The following NPAT variants were observed in gnomAD, a reference collection of about 807,000 sequenced individuals.
The protein encoded by NPAT is protein NPAT.
In NPAT, 52 loss-of-function variants were observed where a neutral mutation model predicts 130.7. The ratio of observed to expected loss-of-function variants is 0.40; its 90% CI spans 0.32 to 0.50. The LOEUF (loss-of-function observed/expected upper bound fraction) is 0.50, where lower values mean the gene tolerates loss of function less well. NPAT is among the 20% of genes least tolerant of loss of function. The pLI, the probability that NPAT is intolerant of heterozygous loss-of-function variation, is 0.68. For missense variants in NPAT, 1,687 were observed against 1,662.6 expected, an observed-to-expected ratio of 1.01 and a Z score of -0.26; for synonymous variants, 580 against 584.8, an observed-to-expected ratio of 0.99 and a Z score of 0.12.
At chr11:108,213,056 C>T (rs2078399662) in intron 1 of NPAT, among the ~76,000 whole-genome samples, 1 of 151,864 alleles carries the variant, frequency 6.6e-6, no homozygotes, top group Admixed American at 6.6e-5. Context: ...AGCAAATCAC[C>T]TGAGGTCGGG....
At chr11:108,219,088 T>C (rs2078460077) in intron 1 of NPAT, among the ~76,000 whole-genome samples, 1 of 152,210 alleles carries the variant, frequency 6.6e-6, no homozygotes, top group South Asian at 2.1e-4. Context: ...CTCTCTACTG[T>C]ATGACATAAA....
At chr11:108,197,243 A>T in intron 2 of NPAT, 59 bp downstream of exon 2, 1 of 1,172,392 alleles carries the variant, frequency 8.5e-7, no homozygotes, top group Non-Finnish European at 1.3e-6. Context: ...TGATTTTATG[A>T]CTATGTTTTT....
At chr11:108,184,647 C>T (rs529563578) in intron 10 of NPAT, among the ~76,000 whole-genome samples, 4 of 152,274 alleles carry the variant, frequency 2.6e-5, no homozygotes, top group African/African-American at 9.6e-5. Flanking sequence ...TCTCCTGCTT[C>T]AGCCACCCGA....
chr11:108,212,074 T>TA (rs199812156), intron 1 of NPAT, among the ~76,000 whole-genome samples: 443 of 142,772 alleles, frequency 3.1e-3, no homozygotes, highest in African/African-American at 5.8e-3. Flanking sequence ...AGTTATCTAT[T>TA]AAAAAAAAAA....
At chr11:108,197,963 G>A (rs1229232364) in intron 1 of NPAT, among the ~76,000 whole-genome samples, 1 of 152,166 alleles carries the variant, frequency 6.6e-6, no homozygotes, top group Non-Finnish European at 1.5e-5. Context: ...ATTCCAACAA[G>A]AACATCAACC....
At chr11:108,219,881 T>C (rs2078467663) in intron 1 of NPAT, among the ~76,000 whole-genome samples, 1 of 152,202 alleles carries the variant, frequency 6.6e-6, no homozygotes, top group Non-Finnish European at 1.5e-5. Flanking sequence ...GTAACAGAAG[T>C]ACAATGCTAT....
Position 108,172,828 on chromosome 11 carries a change from T to C in NPAT, c.2156A>G (p.Asn719Ser), listed in dbSNP as rs373640001. 1.9e-6 allele frequency: 3 copies of C among 1,613,880 alleles called. No individual in the cohort carries two copies. Among genetic ancestry groups the C allele is most frequent in the Admixed American group, 3.3e-5 (2 of 60,008 alleles). The change falls in exon 13 of 18, where the codon AAT becomes AGT. Residue 719 changes from asparagine (N) to serine (S), a missense_variant. This residue lies in a region of NPAT where 1,379 missense variants were observed against 1,346.6 expected (regional missense o/e 1.02). Transcript: ENST00000278612. ...SVGDSHPESQ[N>S]TDDKPSSNNS... The stretch of plus-strand genomic sequence containing the variant: ...GTTGCTAGAAGGTTTATCATCAGTA[T>C]TTTGGGACTCAGGGTGAGAATCTCC...
chr11:108,212,142 AG>A (rs901984276), intron 1 of NPAT, among the ~76,000 whole-genome samples: 1 of 151,872 alleles, frequency 6.6e-6, no homozygotes, highest in Non-Finnish European at 1.5e-5. Context: ...CCATAAGATC[AG>A]GGAAAAGGTA....
Position 108,173,165 on chromosome 11 carries a change from G to A in NPAT, c.1819C>T (p.Pro607Ser). 2 of 1,613,472 alleles carry A rather than the reference G, an allele frequency of 1.2e-6. No homozygotes were observed. Among genetic ancestry groups the A allele is most frequent in the Non-Finnish European group, 1.7e-6 (2 of 1,179,632 alleles). Residue 607 changes from proline to serine, a missense_variant, in exon 13 of 18, where the codon CCT (proline) becomes TCT (serine). Pro to Ser is a moderately conservative substitution (Grantham distance 74). Coordinates refer to ENST00000278612, the MANE Select transcript of NPAT (RefSeq NM_002519.3). ...DNSCLQSEILPVSVESSHLNV... is the reference protein window; with the variant it reads ...DNSCLQSEILSVSVESSHLNV... ...AAATGTGAACTTTCAACAGACACAGGTAGTATTTCACTTTGAAGACAAGAA... is the reference window on the plus strand; with the variant it reads ...AAATGTGAACTTTCAACAGACACAGATAGTATTTCACTTTGAAGACAAGAA...
chr11:108,170,086 G>T, intron 13 of NPAT, 43 bp from the exon 14 acceptor site: 1 of 1,284,972 alleles, frequency 7.8e-7, no homozygotes, highest in Non-Finnish European at 1.1e-6. Context: ...TCTCTGAAAT[G>T]TTTTGGCACA....
intron 8 of NPAT, among the ~76,000 whole-genome samples, chr11:108,185,874 G>A (rs774027013): frequency 2.6e-5 from 4 of 152,100 alleles, no homozygotes; most frequent in Non-Finnish European, 2.9e-5. Flanking sequence ...CTGGGATTAC[G>A]GGCGTGTGCC....
At chr11:108,191,608 T>TA (rs1194760864) in intron 4 of NPAT, among the ~76,000 whole-genome samples, 1 of 152,232 alleles carries the variant, frequency 6.6e-6, no homozygotes, top group Non-Finnish European at 1.5e-5. Flanking sequence ...GGTAGTCACT[T>TA]ATAGCTCTGA....
chr11:108,186,960 G>C (rs1045334616), intron 7 of NPAT, among the ~76,000 whole-genome samples: 2 of 152,120 alleles, frequency 1.3e-5, no homozygotes, highest in Admixed American at 6.5e-5. Context: ...TAGTAGTCTT[G>C]AATTCAAAAA....
At chr11:108,164,293 T>C (rs1591384644) in intron 15 of NPAT, among the ~76,000 whole-genome samples, 2 of 152,110 alleles carry the variant, frequency 1.3e-5, no homozygotes, top group East Asian at 3.9e-4. Context: ...GAGAAATACA[T>C]TTTTTTTAAG....
chr11:108,190,274 C>CT (rs1407408029), intron 5 of NPAT, among the ~76,000 whole-genome samples, 186 bp downstream of exon 5: 1 of 136,334 alleles, frequency 7.3e-6, no homozygotes, highest in African/African-American at 2.8e-5. Context: ...GATCGTGCCA[C>CT]TGCACTTCAG....
chr11:108,204,352 C>T (rs2078304966), intron 1 of NPAT, among the ~76,000 whole-genome samples: 1 of 145,606 alleles, frequency 6.9e-6, no homozygotes, highest in Non-Finnish European at 1.5e-5. Context: ...CATTCTGAGC[C>T]CATAAAAACC....
chr11:108,170,219 AAC>A (rs2077938010), intron 13 of NPAT, 176 bp from the exon 14 acceptor site: 1 of 587,468 alleles, frequency 1.7e-6, no homozygotes, highest in African/African-American at 1.9e-5. Context: ...ACGAAACTGA[AAC>A]AGTTTTAGGA....
intron 12 of NPAT, 97 bp downstream of exon 12, chr11:108,176,149 G>T: frequency 1.1e-6 from 1 of 935,834 alleles, no homozygotes; most frequent in Non-Finnish European, 1.7e-6. Flanking sequence ...ATAACAATCT[G>T]AACAACTTCT....
chr11:108,196,726 G>A lies in NPAT; in HGVS notation c.156+576C>T, dbSNP rs537303731. Among the ~76,000 whole-genome samples, 9 of 152,176 alleles carry A rather than the reference G, an allele frequency of 5.9e-5. No individual in the cohort carries two copies. In the East Asian group the frequency reaches 1.2e-3, roughly 20 times the overall value. ...ATCCAATTGTTCATTGCAGGCATAC[G>A]GAATATAATGGATTTGTGTATATTC... On this transcript the variant is annotated intron_variant, in intron 2 of 17. Coordinates refer to ENST00000278612, the MANE Select transcript of NPAT (RefSeq NM_002519.3).
Sources: gnomAD v4.1 joint callset for allele counts (sites outside exome capture counted in the v4.1 genomes callset) on GRCh38, gnomAD v4.1.1 for gene constraint, gnomAD v4.1.1 regional missense constraint, MANE v1.5 for transcripts, NCBI Gene and HGNC (gene_info 2026-07-23, HGNC 2026-07-21) for gene names.